WNK2: variants seen among roughly 807,000 people sequenced by gnomAD.
WNK2 encodes serine/threonine-protein kinase WNK2.
A neutral mutation model predicts 192.1 loss-of-function variants in WNK2; 67 were observed. That is an observed-to-expected ratio of 0.35 (90% CI 0.29 to 0.43). The LOEUF is 0.43. WNK2 is among the 20% of genes least tolerant of loss of function. The pLI, the probability that WNK2 is intolerant of heterozygous loss-of-function variation, is 1.00. For synonymous variants in WNK2, 1,439 were observed against 1,393.9 expected (o/e 1.03, Z -0.72); for missense variants, 2,698 against 3,089.7 (o/e 0.87, Z 3.01).
rs1018547860 is a variant in WNK2, at chr9:93,262,805, C to T, written c.3410+86C>T. ...CTCAGCCTGGCTCCTGCTGCTGCTTCCCCTGGAACCCACTATAGTTTGCCC... is the reference window on the plus strand; with the variant it reads ...CTCAGCCTGGCTCCTGCTGCTGCTTTCCCTGGAACCCACTATAGTTTGCCC... On this transcript the variant is annotated intron_variant, in intron 14 of 29. Transcript: ENST00000427277. 7.5e-6 allele frequency: 11 copies of T among 1,461,442 alleles called. No individual in the cohort carries two copies. In the Admixed American group the frequency reaches 1.2e-4, roughly 17 times the overall value. 90.5% of individuals were successfully genotyped at this position (1,461,442 alleles called of 1,614,324 possible).
intron 19 of WNK2, among the ~76,000 whole-genome samples, chr9:93,277,604 A>G (rs1268714208): frequency 2.6e-5 from 4 of 152,360 alleles, no homozygotes; most frequent in Non-Finnish European, 2.9e-5. Flanking sequence ...TTCATACTGT[A>G]TAATTCCATT....
intron 2 of WNK2, among the ~76,000 whole-genome samples, chr9:93,201,458 A>T (rs1277377045): frequency 6.6e-6 from 1 of 152,224 alleles, no homozygotes; most frequent in East Asian, 1.9e-4. Context: ...TGGAGAACAC[A>T]TGCCTGGCCA....
chr9:93,261,797 G>A lies in WNK2; in HGVS notation c.3067-17G>A. 9 of 1,577,876 alleles carry A rather than the reference G, an allele frequency of 5.7e-6. No individual in the cohort carries two copies. The highest frequency in any genetic ancestry group is 6.0e-6 in the Non-Finnish European group (7 of 1,164,584). ...CAGCGCCGGCCCTGACTTGCACCTT[G>A]TCCCCTGTGCCCCCAGATTCTGCTT... On this transcript the variant is annotated splice_polypyrimidine_tract_variant and intron_variant, in intron 12 of 29. Transcript: ENST00000427277.
chr9:93,258,023 T>C (rs970471520), intron 11 of WNK2, among the ~76,000 whole-genome samples: 1 of 152,232 alleles, frequency 6.6e-6, no homozygotes, highest in Non-Finnish European at 1.5e-5. Flanking sequence ...GAGCCCCACC[T>C]GGAAGATTCT....
Position 93,230,884 on chromosome 9 carries a change from G to A in WNK2, c.855-4G>A. ...TGGTGAGCTGTGCCCGTGAACCCCT[G>A]CAGATACCTGAAGCGGTTCAAGGTG... On this transcript the variant is annotated splice_region_variant and splice_polypyrimidine_tract_variant and intron_variant, in intron 3 of 29. Transcript: ENST00000427277. 6.2e-7 allele frequency: 1 copy of A among 1,611,382 alleles called. No individual in the cohort carries two copies. The highest frequency in any genetic ancestry group is 8.5e-7 in the Non-Finnish European group (1 of 1,179,392).
chr9:93,292,391 C>T lies in WNK2; in HGVS notation c.5020C>T (p.Pro1674Ser), dbSNP rs749916513. ...ASDSHVVPSV[P>S]QDVPAFVRPA... is the part of the protein sequence containing the mutation. ...AGACTCCCATGTGGTCCCCAGCGTC[C>T]CCCAGGTAAGGGCGACTTGACGACC... The change falls in exon 22 of 30, where the codon CCC (proline) becomes TCC (serine). Residue 1674 changes from proline to serine, a missense_variant. Around this residue, in one of 7 missense-constraint regions of WNK2, gnomAD observed 1,098 missense variants for 1,101.0 expected, o/e 1.00. Transcript: ENST00000427277. 2 of 1,613,850 alleles carry T rather than the reference C, an allele frequency of 1.2e-6. No individual in the cohort carries two copies. Among genetic ancestry groups the T allele is most frequent in the South Asian group, 2.2e-5 (2 of 91,092 alleles).
intron 2 of WNK2, among the ~76,000 whole-genome samples, chr9:93,202,732 G>A (rs932670371): frequency 2.6e-5 from 4 of 151,986 alleles, no homozygotes; most frequent in African/African-American, 7.3e-5. Flanking sequence ...CACCACTGCA[G>A]CCGGGGCTAA....
chr9:93,303,625 C>T (rs117632773), intron 26 of WNK2, among the ~76,000 whole-genome samples: 5,124 of 152,288 alleles, frequency 0.034, 125 homozygotes, highest in Non-Finnish European at 0.049. Flanking sequence ...CCCTGCACTG[C>T]GCCCACCAGG....
chr9:93,205,119 C>G (rs1833125455), intron 2 of WNK2, among the ~76,000 whole-genome samples: 1 of 152,202 alleles, frequency 6.6e-6, no homozygotes, highest in Non-Finnish European at 1.5e-5. Flanking sequence ...TCCATCCATT[C>G]TGGTACAGAT....
At chr9:93,271,904 G>A (rs1846050608) in intron 19 of WNK2, among the ~76,000 whole-genome samples, 1 of 152,222 alleles carries the variant, frequency 6.6e-6, no homozygotes, top group African/African-American at 2.4e-5. Flanking sequence ...ACCTAGATTG[G>A]AACAGTGATT....
intron 2 of WNK2, among the ~76,000 whole-genome samples, chr9:93,196,240 G>T (rs568624343): frequency 6.6e-6 from 1 of 152,158 alleles, no homozygotes; most frequent in Non-Finnish European, 1.5e-5. Context: ...TCCCCAATCC[G>T]CCCCTCACCC....
intron 7 of WNK2, among the ~76,000 whole-genome samples, chr9:93,241,860 TC>T (rs10706936): frequency 0.043 from 6,486 of 152,114 alleles, 470 homozygotes; most frequent in African/African-American, 0.15. Context: ...CAGCTGGACT[TC>T]CTGCAGCCGC....
chr9:93,229,647 C>A lies in WNK2; in HGVS notation c.682-49C>A. ...GCTGGGATGTGACGCCACCGTGTCCCCTTCTGTGTCCCATCTCTTGCCCAC... is the reference window on the plus strand; with the variant it reads ...GCTGGGATGTGACGCCACCGTGTCCACTTCTGTGTCCCATCTCTTGCCCAC... On this transcript the variant is annotated intron_variant, in intron 2 of 29. Transcript: ENST00000427277. The surrounding 1 kb of genome is among the most constrained non-coding windows in gnomAD (Gnocchi z 4.9). 6.3e-7 allele frequency: 1 copy of A among 1,583,698 alleles called. No individual in the cohort carries two copies. Among genetic ancestry groups the A allele is most frequent in the South Asian group, 1.1e-5 (1 of 87,366 alleles).
chr9:93,229,551 T>C lies in WNK2; in HGVS notation c.682-145T>C, dbSNP rs550151287. On this transcript the variant is annotated intron_variant, in intron 2 of 29. Coordinates refer to ENST00000427277, the MANE Select transcript of WNK2 (RefSeq NM_006648.4). The surrounding 1 kb of genome is among the most constrained non-coding windows in gnomAD (Gnocchi z 4.9). ...AGTCAGCAGTTGTGGTGCCAGTGTC[T>C]GCATGCCCTTCTATCATAGCCGCTT... is the stretch of plus-strand genomic sequence containing the variant. 302 of 881,306 alleles carry C rather than the reference T, an allele frequency of 3.4e-4. 2 individuals are homozygous for C. The highest frequency in any genetic ancestry group is 3.4e-3 in the South Asian group (197 of 57,598). 54.6% of individuals were successfully genotyped at this position (881,306 alleles called of 1,614,324 possible).
chr9:93,292,606 A>G lies in WNK2; in HGVS notation c.5141A>G (p.Gln1714Arg). The G allele has an allele frequency of 6.3e-7, 1 of 1,580,224 alleles. No homozygotes were observed. Among genetic ancestry groups the G allele is most frequent in the Non-Finnish European group, 8.6e-7 (1 of 1,161,796 alleles). The change falls in exon 23 of 30, where the codon CAG (glutamine) becomes CGG (arginine). Residue 1714 changes from glutamine (Q) to arginine (R), a missense_variant. Transcript: ENST00000427277. ...PPSDMGTVGG[Q>R]ASHPQTLGAR... ...AGTGACATGGGCACAGTGGGGGGCCAGGCTAGCCACCCCCAGACACTCGGC... is the reference window on the plus strand; with the variant it reads ...AGTGACATGGGCACAGTGGGGGGCCGGGCTAGCCACCCCCAGACACTCGGC...
At chr9:93,256,630 TGTGTGTGTAC>T in intron 10 of WNK2, 176 bp downstream of exon 10, 1 of 785,128 alleles carries the variant, frequency 1.3e-6, no homozygotes, top group South Asian at 1.9e-5. Flanking sequence ...TGCATGTGTT[TGTGTGTGTAC>T]GTGTGTGTGT....
intron 28 of WNK2, chr9:93,309,230 C>T (rs1853198963): frequency 7.5e-6 from 5 of 662,768 alleles, no homozygotes; most frequent in Non-Finnish European, 7.5e-6. Flanking sequence ...TATTTTTTAG[C>T]GTGGGATACT....
At chr9:93,219,277 C>T (rs1107615) in intron 2 of WNK2, among the ~76,000 whole-genome samples, 23,524 of 152,266 alleles carry the variant, frequency 0.15, 1,894 homozygotes, top group South Asian at 0.28. Context: ...GTCAACATGC[C>T]GTGGGCGGGG....
At chr9:93,307,083 C>T in intron 27 of WNK2, 2 of 544,956 alleles carry the variant, frequency 3.7e-6, no homozygotes, top group Non-Finnish European at 6.6e-6. Context: ...TTCCCCGGAA[C>T]ACCCGCAAAT....
Sources: allele counts gnomAD v4.1 joint callset (sites outside exome capture counted in the v4.1 genomes callset), GRCh38; gene constraint gnomAD v4.1.1; regional missense constraint gnomAD v4.1.1; non-coding constraint Gnocchi (gnomAD v3.1); transcripts MANE v1.5; gene names NCBI Gene and HGNC (gene_info 2026-07-23, HGNC 2026-07-21).